The following RGS6 variants were observed in gnomAD, a reference collection of about 807,000 sequenced individuals.
The protein encoded by RGS6 is regulator of G protein signaling 6.
In RGS6, 30 loss-of-function variants were observed where a neutral mutation model predicts 78.5. That is an observed-to-expected ratio of 0.38 (90% CI 0.29 to 0.52). The LOEUF (loss-of-function observed/expected upper bound fraction) is 0.52. Among genes scored for constraint, RGS6 ranks in the 20% least tolerant of loss-of-function variants. RGS6 has a pLI of 0.85. For synonymous variants in RGS6, 206 were observed against 206.0 expected, an observed-to-expected ratio of 1.00 and a Z score of 0.00; for missense variants, 495 against 609.7, an observed-to-expected ratio of 0.81 and a Z score of 1.98.
rs998915154 is a variant in RGS6, at chr14:72,562,932, G to C, written c.*465G>C. The C allele has an allele frequency of 2.1e-5, 14 of 656,544 alleles. No individual in the cohort carries two copies. In the African/African-American group the frequency reaches 2.5e-4, roughly 12 times the overall value. 40.7% of individuals were successfully genotyped at this position (656,544 alleles called of 1,614,324 possible). ...CATCACCTCCCTGGCACCTCCCATAGTTACAGCCACTACATCCCCACCGCC... is the reference window on the plus strand; with the variant it reads ...CATCACCTCCCTGGCACCTCCCATACTTACAGCCACTACATCCCCACCGCC... On this transcript the variant is annotated 3_prime_UTR_variant, in exon 18 of 18. Transcript: ENST00000553525.
At position 71,946,312 on chromosome 14, in the gene RGS6, A is replaced by G. The variant is rs78192359; in HGVS notation, c.-21+13371A>G. Among the ~76,000 whole-genome samples, 1,003 of 152,198 alleles carry G rather than the reference A, an allele frequency of 6.6e-3. 8 individuals are homozygous for G. The highest frequency in any genetic ancestry group is 0.023 in the African/African-American group (950 of 41,538). ...ATTGCTTTGAGATGGTTACTGAAAG[A>G]GAGTGTGTACCTGGAAACAATCTCT... On this transcript the variant is annotated intron_variant, in intron 1 of 17. Transcript: ENST00000553525.
chr14:72,467,439 C>T (rs1281157052), intron 7 of RGS6, among the ~76,000 whole-genome samples: 2 of 152,130 alleles, frequency 1.3e-5, no homozygotes, highest in Non-Finnish European at 1.5e-5. Flanking sequence ...TGTGAGGCCC[C>T]ACTCTGCCAG....
intron 2 of RGS6, among the ~76,000 whole-genome samples, chr14:72,199,019 G>A (rs999730056): frequency 6.6e-6 from 1 of 152,166 alleles, no homozygotes; most frequent in South Asian, 2.1e-4. Context: ...GCATTCTAAG[G>A]GGACTTTGAG....
At chr14:72,209,805 T>G (rs550511531) in intron 2 of RGS6, among the ~76,000 whole-genome samples, 1 of 152,262 alleles carries the variant, frequency 6.6e-6, no homozygotes, top group African/African-American at 2.4e-5. Context: ...ATTCGTATTG[T>G]TTTAGGTTAG....
At chr14:71,971,125 C>T (rs543747891) in intron 2 of RGS6, among the ~76,000 whole-genome samples, 3 of 152,256 alleles carry the variant, frequency 2.0e-5, no homozygotes, top group East Asian at 3.9e-4. Flanking sequence ...CCTTATGTAC[C>T]ATGCCAAGGA....
chr14:72,530,616 G>T (rs144673437), intron 15 of RGS6, among the ~76,000 whole-genome samples: 1 of 152,146 alleles, frequency 6.6e-6, no homozygotes, highest in East Asian at 1.9e-4. Context: ...GCTTGAACCC[G>T]TGAGGTGGAG....
At chr14:72,471,950 G>C (rs190501496) in intron 8 of RGS6, among the ~76,000 whole-genome samples, 134 of 152,262 alleles carry the variant, frequency 8.8e-4, no homozygotes, top group Non-Finnish European at 1.5e-3. Flanking sequence ...TAAATACATG[G>C]TATTTCTCGA....
chr14:72,071,205 A>G (rs777742333), intron 2 of RGS6, among the ~76,000 whole-genome samples: 4 of 152,200 alleles, frequency 2.6e-5, no homozygotes, highest in Admixed American at 6.5e-5. Context: ...CAACATTTCT[A>G]TATGGAGTAT....
chr14:71,938,488 G>A (rs529534337), intron 1 of RGS6, among the ~76,000 whole-genome samples: 8 of 152,232 alleles, frequency 5.3e-5, no homozygotes, highest in South Asian at 2.1e-4. Flanking sequence ...CCTGCATATC[G>A]TGCAGAACCA....
At chr14:72,384,913 G>A (rs893420496) in intron 3 of RGS6, among the ~76,000 whole-genome samples, 1 of 152,072 alleles carries the variant, frequency 6.6e-6, no homozygotes, top group Non-Finnish European at 1.5e-5. Flanking sequence ...ACCACACCCA[G>A]CTAATTTTTG....
At chr14:72,270,596 AAG>A (rs1336835340) in intron 2 of RGS6, among the ~76,000 whole-genome samples, 1 of 152,230 alleles carries the variant, frequency 6.6e-6, no homozygotes. Flanking sequence ...CTTTCAGAGA[AAG>A]AGAATAAATT....
At chr14:72,162,431 T>C (rs1453552160) in intron 2 of RGS6, among the ~76,000 whole-genome samples, 1 of 150,790 alleles carries the variant, frequency 6.6e-6, no homozygotes, top group Non-Finnish European at 1.5e-5. Flanking sequence ...TTCTGGGGAG[T>C]AGAAAGAAGT....
At chr14:71,951,943 C>T (rs2092360092) in intron 1 of RGS6, among the ~76,000 whole-genome samples, 1 of 152,004 alleles carries the variant, frequency 6.6e-6, no homozygotes, top group South Asian at 2.1e-4. Flanking sequence ...TATATATTGA[C>T]CTTGTATTCA....
intron 12 of RGS6, among the ~76,000 whole-genome samples, chr14:72,481,358 A>G (rs2096373567): frequency 6.6e-6 from 1 of 152,222 alleles, no homozygotes; most frequent in African/African-American, 2.4e-5. Context: ...TGGTGCTTAA[A>G]GGAGCAAACA....
At chr14:72,454,217 G>A (rs2095570992) in intron 3 of RGS6, among the ~76,000 whole-genome samples, 4 of 152,186 alleles carry the variant, frequency 2.6e-5, no homozygotes, top group Admixed American at 2.6e-4. Context: ...GAAATGGTCT[G>A]GGGGCCAGGC....
intron 12 of RGS6, among the ~76,000 whole-genome samples, chr14:72,483,516 G>A (rs1340232077): frequency 6.6e-6 from 1 of 152,128 alleles, no homozygotes; most frequent in Non-Finnish European, 1.5e-5. Context: ...AATGAGATAA[G>A]ACAGCAAGGG....
intron 2 of RGS6, among the ~76,000 whole-genome samples, chr14:72,052,885 A>C (rs919096058): frequency 5.3e-5 from 8 of 151,860 alleles, no homozygotes; most frequent in Non-Finnish European, 1.0e-4. Flanking sequence ...CAATGTGTCT[A>C]ATGTCCAGGA....
rs552190477 is a variant in RGS6 at position 72,003,827 on chromosome 14, C to A, written c.84+38952C>A. 2.2e-4 allele frequency among the ~76,000 whole-genome samples: 34 copies of A among 152,240 alleles called. No individual in the cohort carries two copies. The South Asian group carries it at 4.1e-3, about 19-fold the overall frequency. ...GGAACTGGCATTTCCCAAGTTGGGG[C>A]AACAGGGATGGATCTTTGTACCATA... On this transcript the variant is annotated intron_variant, in intron 2 of 17. Transcript: ENST00000553525.
At chr14:72,133,743 C>T in intron 2 of RGS6, among the ~76,000 whole-genome samples, 1 of 152,090 alleles carries the variant, frequency 6.6e-6, no homozygotes, top group East Asian at 1.9e-4. Context: ...CCTGGCTGCT[C>T]TGCTTTCTCT....
Sources: gnomAD v4.1 joint callset for allele counts (sites outside exome capture counted in the v4.1 genomes callset) on GRCh38, gnomAD v4.1.1 for gene constraint, MANE v1.5 for transcripts, NCBI Gene and HGNC (gene_info 2026-07-23, HGNC 2026-07-21) for gene names.